Variants in ANO10 observed in about 807,000 individuals in gnomAD.
ANO10 encodes the protein anoctamin 10, also known as anoctamin-10.
A neutral mutation model predicts 74.7 loss-of-function variants in ANO10; 77 were observed. The observed-to-expected ratio is 1.03, with a 90% CI of 0.86 to 1.25. The LOEUF (loss-of-function observed/expected upper bound fraction) is 1.25, where lower values mean the gene tolerates loss of function less well. Ranked by LOEUF, ANO10 falls within the 50% of genes most tolerant of loss-of-function variation. The pLI, the probability that ANO10 is intolerant of heterozygous loss-of-function variation, is 0.00. For synonymous variants in ANO10, 279 were observed against 284.9 expected (o/e 0.98, Z 0.21); for missense variants, 721 against 778.1 (o/e 0.93, Z 0.87).
intron 11 of ANO10, among the ~76,000 whole-genome samples, chr3:43,516,768 G>T (rs945555337): frequency 1.3e-5 from 2 of 152,174 alleles, no homozygotes; most frequent in Non-Finnish European, 2.9e-5. Context: ...AGAGAAAAGA[G>T]ATCTCCAAAG....
chr3:43,391,312 G>A (rs2092268375), intron 12 of ANO10, among the ~76,000 whole-genome samples: 1 of 152,082 alleles, frequency 6.6e-6, no homozygotes, highest in Non-Finnish European at 1.5e-5. Context: ...TATTACTGCA[G>A]AACAATAAAG....
At chr3:43,646,558 G>A (rs1467545820) in intron 1 of ANO10, among the ~76,000 whole-genome samples, 17 of 152,298 alleles carry the variant, frequency 1.1e-4, no homozygotes, top group Admixed American at 1.1e-3. Flanking sequence ...TTGAGACGGA[G>A]TCTTGCTCTG....
chr3:43,566,940 A>C (rs992379900), intron 7 of ANO10, among the ~76,000 whole-genome samples: 1 of 152,198 alleles, frequency 6.6e-6, no homozygotes, highest in South Asian at 2.1e-4. Context: ...TTTGAAAAAA[A>C]TTCAGAAGAA....
chr3:43,383,453 CAAA>C (rs1235535066), intron 12 of ANO10, among the ~76,000 whole-genome samples: 36 of 50,870 alleles, frequency 7.1e-4, no homozygotes, highest in African/African-American at 2.1e-3. Flanking sequence ...GACTCTGTCT[CAAA>C]AAAAAAAAAA....
rs571828371 is a variant in ANO10 at position 43,476,834 on chromosome 3, A to G, written c.1798-44107T>C. Among the ~76,000 whole-genome samples the G allele has an allele frequency of 3.9e-5, 6 of 152,040 alleles. No homozygotes were observed. In the South Asian group the frequency reaches 1.2e-3, roughly 31 times the overall value. Reference sequence around the variant, plus strand: ...CCCCGAATTCATGCATGACCATAGCATGTATTTTGAAAGAAGAAAGAAAAC... The same window carrying G: ...CCCCGAATTCATGCATGACCATAGCGTGTATTTTGAAAGAAGAAAGAAAAC... On this transcript the variant is annotated intron_variant, in intron 11 of 12. Transcript: ENST00000292246.
intron 1 of ANO10, among the ~76,000 whole-genome samples, chr3:43,671,431 G>A (rs982210664): frequency 6.6e-5 from 10 of 152,138 alleles, no homozygotes; most frequent in African/African-American, 1.9e-4. Context: ...GGGTTTAGGT[G>A]TAGTGAACTG....
At chr3:43,651,746 C>T (rs1035186955) in intron 1 of ANO10, among the ~76,000 whole-genome samples, 41 of 152,184 alleles carry the variant, frequency 2.7e-4, no homozygotes, top group Admixed American at 6.5e-4. Flanking sequence ...CTTGCCTGGC[C>T]CTTAATAACA....
chr3:43,491,172 G>A lies in ANO10; in HGVS notation c.1798-58445C>T, dbSNP rs570215961. Among the ~76,000 whole-genome samples the A allele has an allele frequency of 4.6e-5, 7 of 152,196 alleles. No individual in the cohort carries two copies. The East Asian group carries it at 1.2e-3, about 25-fold the overall frequency. On this transcript the variant is annotated intron_variant, in intron 11 of 12. Coordinates refer to ENST00000292246, the MANE Select transcript of ANO10 (RefSeq NM_018075.5). ...TGCATGTGGACATCTCACCTCAAGC[G>A]AAGAATCAGAAGGAATCCAAGACCC...
intron 4 of ANO10, among the ~76,000 whole-genome samples, chr3:43,581,505 AG>A (rs2081259340): frequency 6.6e-6 from 1 of 152,190 alleles, no homozygotes; most frequent in African/African-American, 2.4e-5. Context: ...GATCTTTAAG[AG>A]GAAGTGTGTT....
chr3:43,570,525 C>T (rs1052279932), intron 7 of ANO10, among the ~76,000 whole-genome samples: 23 of 152,102 alleles, frequency 1.5e-4, no homozygotes, highest in African/African-American at 5.1e-4. Flanking sequence ...TCACAAATAA[C>T]GCCGCATATC....
chr3:43,657,706 G>C (rs1224283872), intron 1 of ANO10, among the ~76,000 whole-genome samples: 1 of 152,130 alleles, frequency 6.6e-6, no homozygotes, highest in African/African-American at 2.4e-5. Flanking sequence ...CCTTTGTTCT[G>C]GCCCTGTTAT....
intron 7 of ANO10, among the ~76,000 whole-genome samples, chr3:43,569,262 G>C (rs1475720994): frequency 7.4e-5 from 9 of 121,916 alleles, no homozygotes; most frequent in Admixed American, 1.7e-4. Context: ...GAGGTACAAG[G>C]AGGAACTGGT....
At chr3:43,536,345 T>C (rs1400592661) in intron 11 of ANO10, among the ~76,000 whole-genome samples, 1 of 152,226 alleles carries the variant, frequency 6.6e-6, no homozygotes, top group Non-Finnish European at 1.5e-5. Context: ...CAAATCCTGA[T>C]GATTCTAGAA....
At chr3:43,452,824 C>T (rs1236748169) in intron 11 of ANO10, among the ~76,000 whole-genome samples, 2 of 152,220 alleles carry the variant, frequency 1.3e-5, no homozygotes, top group African/African-American at 4.8e-5. Flanking sequence ...AGTTGCTCTA[C>T]ATCCTCACCA....
intron 6 of ANO10, among the ~76,000 whole-genome samples, chr3:43,575,634 T>C (rs1363436682): frequency 6.6e-6 from 1 of 152,160 alleles, no homozygotes; most frequent in Non-Finnish European, 1.5e-5. Flanking sequence ...AAAAATAATT[T>C]AAATCATCTT....
chr3:43,656,887 G>C lies in ANO10; in HGVS notation c.-12+34630C>G, dbSNP rs924235814. Among the ~76,000 whole-genome samples, 8 of 152,358 alleles carry C rather than the reference G, an allele frequency of 5.3e-5. No homozygotes were observed. The East Asian group carries it at 5.8e-4, about 11-fold the overall frequency. On this transcript the variant is annotated intron_variant, in intron 1 of 3. Transcript: ENST00000413397. ...AAAGGGGCTCCCACAGTGCAGCGGT[G>C]GGCTGAAGGGCTCCTCAAGTGCCGC...
intron 12 of ANO10, among the ~76,000 whole-genome samples, chr3:43,381,908 A>G (rs955174909): frequency 9.9e-5 from 15 of 152,232 alleles, no homozygotes; most frequent in African/African-American, 2.9e-4. Context: ...AATCAACTCC[A>G]AAAGAAACCC....
At chr3:43,687,444 G>A (rs991624211) in intron 1 of ANO10, among the ~76,000 whole-genome samples, 1 of 152,122 alleles carries the variant, frequency 6.6e-6, no homozygotes, top group Non-Finnish European at 1.5e-5. Context: ...ACTACTATTG[G>A]AGGGCTGGAA....
At chr3:43,567,002 C>A (rs933808288) in intron 7 of ANO10, among the ~76,000 whole-genome samples, 3 of 152,110 alleles carry the variant, frequency 2.0e-5, no homozygotes, top group African/African-American at 7.2e-5. Flanking sequence ...GCTGATGGAG[C>A]TGAAAACCAA....
Sources: gnomAD v4.1 joint callset for allele counts (sites outside exome capture counted in the v4.1 genomes callset) on GRCh38, gnomAD v4.1.1 for gene constraint, MANE v1.5 for transcripts, NCBI Gene and HGNC (gene_info 2026-07-23, HGNC 2026-07-21) for gene names.